The following CSMD1 variants were observed in gnomAD, a reference collection of about 807,000 sequenced individuals.
CSMD1 encodes CUB and sushi domain-containing protein 1.
Under a neutral mutation model 417.5 loss-of-function variants are expected in CSMD1, and 213 were observed. The observed-to-expected ratio is 0.51, with a 90% CI of 0.46 to 0.57. CSMD1 has a LOEUF of 0.57. Ranked by LOEUF, CSMD1 falls within the 20% of genes least tolerant of loss-of-function variation. The probability of loss-of-function intolerance (pLI) is 0.00; values close to 1 mark genes in which losing one functional copy is unlikely to be tolerated. For missense variants in CSMD1, 6,923 were observed against 4,529.7 expected (o/e 1.53, Z -15.17); for synonymous variants, 2,862 against 1,736.8 (o/e 1.65, Z -16.11).
chr8:4,604,305 G>C (rs1169793209), intron 2 of CSMD1, among the ~76,000 whole-genome samples: 1 of 150,984 alleles, frequency 6.6e-6, no homozygotes, highest in Non-Finnish European at 1.5e-5. Flanking sequence ...CTATATAACA[G>C]GAATATGCAT....
At chr8:4,304,283 G>T (rs1402463106) in intron 3 of CSMD1, among the ~76,000 whole-genome samples, 4 of 152,108 alleles carry the variant, frequency 2.6e-5, no homozygotes, top group Non-Finnish European at 5.9e-5. Flanking sequence ...TTATTAACGG[G>T]TAACATGTTC....
At chr8:3,964,866 G>C (rs980345887) in intron 5 of CSMD1, among the ~76,000 whole-genome samples, 7 of 152,114 alleles carry the variant, frequency 4.6e-5, no homozygotes, top group Non-Finnish European at 8.8e-5. Flanking sequence ...TTTTGAAAAA[G>C]TGTGATTGCA....
chr8:2,952,918 A>G (rs1802737113), intron 65 of CSMD1, among the ~76,000 whole-genome samples: 1 of 152,164 alleles, frequency 6.6e-6, no homozygotes, highest in African/African-American at 2.4e-5. Context: ...TGTTGCTGGC[A>G]GCCCGCAGTA....
rs369414785 is a variant in CSMD1, at chr8:3,369,241, G to C, written c.2899+13C>G. On this transcript the variant is annotated intron_variant, in intron 19 of 69. Coordinates refer to ENST00000635120, the MANE Select transcript of CSMD1 (RefSeq NM_033225.6). Reference sequence around the variant, plus strand: ...ATTAGTCTGTATGTTTGAGACCTATGATAGATTCTTACCTTTCCCATGAGA... The same window carrying C: ...ATTAGTCTGTATGTTTGAGACCTATCATAGATTCTTACCTTTCCCATGAGA... 6 of 1,293,620 alleles carry C rather than the reference G, an allele frequency of 4.6e-6. No homozygotes were observed. Among genetic ancestry groups the C allele is most frequent in the Non-Finnish European group, 6.7e-6 (6 of 892,158 alleles). The allele number at this position is 1,293,620 out of a possible 1,614,324, so 80.1% of individuals were successfully genotyped here. A position where few individuals can be genotyped will look rare whatever the true frequency, so the allele number is the denominator to read the frequency against.
intron 3 of CSMD1, among the ~76,000 whole-genome samples, chr8:4,252,611 T>C (rs532429358): frequency 6.6e-6 from 1 of 152,354 alleles, no homozygotes; most frequent in East Asian, 1.9e-4. Context: ...TCATTCATTA[T>C]AGAACCCAAA....
chr8:3,329,248 C>G (rs2584223), intron 23 of CSMD1, among the ~76,000 whole-genome samples: 149,679 of 152,198 alleles, frequency 0.98, 73,657 homozygotes, highest in East Asian at 1. Flanking sequence ...TGGTCATTGA[C>G]AGCAAAAGTG....
intron 1 of CSMD1, among the ~76,000 whole-genome samples, chr8:4,665,318 A>G (rs986010338): frequency 1.3e-5 from 2 of 152,188 alleles, no homozygotes; most frequent in Non-Finnish European, 2.9e-5. Flanking sequence ...GCTGACTTTG[A>G]AATTTGTAAG....
At chr8:3,308,063 CTAATAATAT>C (rs60229894) in intron 24 of CSMD1, among the ~76,000 whole-genome samples, 11,149 of 51,206 alleles carry the variant, frequency 0.22, 810 homozygotes, top group African/African-American at 0.39. Context: ...TGTGATAATT[CTAATAATAT>C]GTGATAATTC....
At chr8:4,807,966 T>C (rs1360198032) in intron 1 of CSMD1, among the ~76,000 whole-genome samples, 2 of 152,206 alleles carry the variant, frequency 1.3e-5, no homozygotes, top group Non-Finnish European at 2.9e-5. Context: ...AGGAGTTCAC[T>C]TGGAAAAACT....
intron 1 of CSMD1, among the ~76,000 whole-genome samples, chr8:4,885,381 T>A (rs1057275882): frequency 1.3e-5 from 2 of 152,064 alleles, no homozygotes; most frequent in African/African-American, 2.4e-5. Context: ...TGAACAGAAG[T>A]ACCAAAAAGG....
intron 3 of CSMD1, among the ~76,000 whole-genome samples, chr8:4,173,605 T>C (rs972360240): frequency 3.9e-5 from 6 of 152,126 alleles, no homozygotes; most frequent in African/African-American, 1.4e-4. Context: ...TAAAAGTTAT[T>C]AGATACATAG....
chr8:4,877,755 T>G lies in CSMD1; in HGVS notation c.85+116577A>C, dbSNP rs190386969. 2.6e-3 allele frequency among the ~76,000 whole-genome samples: 398 copies of G among 152,260 alleles called. 5 individuals are homozygous for G. The highest frequency in any genetic ancestry group is 8.9e-3 in the African/African-American group (369 of 41,504). Reference sequence around the variant, plus strand: ...ACTATGTGTTTGCACTTTCAAAGGATGTATTCATGCCTGTAAAAAGTACAG... The same window carrying G: ...ACTATGTGTTTGCACTTTCAAAGGAGGTATTCATGCCTGTAAAAAGTACAG... On this transcript the variant is annotated intron_variant, in intron 1 of 69. Coordinates refer to ENST00000635120, the MANE Select transcript of CSMD1 (RefSeq NM_033225.6).
chr8:3,692,383 G>T (rs1385900178), intron 7 of CSMD1, among the ~76,000 whole-genome samples: 1 of 152,120 alleles, frequency 6.6e-6, no homozygotes, highest in East Asian at 1.9e-4. Flanking sequence ...TTTCTGTGGA[G>T]CTTGTCACTT....
chr8:3,625,854 T>C (rs990828390), intron 7 of CSMD1, among the ~76,000 whole-genome samples: 2 of 152,134 alleles, frequency 1.3e-5, no homozygotes, highest in African/African-American at 2.4e-5. Context: ...AACAAGTAGA[T>C]TTTTCATAAG....
intron 6 of CSMD1, among the ~76,000 whole-genome samples, chr8:3,724,674 G>C (rs1029576347): frequency 1.3e-5 from 2 of 152,076 alleles, no homozygotes; most frequent in African/African-American, 2.4e-5. Flanking sequence ...AGAATTCAGG[G>C]AGTCCATGAA....
chr8:3,198,648 G>A (rs538283576), intron 33 of CSMD1, among the ~76,000 whole-genome samples: 25 of 152,182 alleles, frequency 1.6e-4, no homozygotes, highest in African/African-American at 5.5e-4. Flanking sequence ...TGATCTAATT[G>A]CTGAAAACTG....
intron 23 of CSMD1, among the ~76,000 whole-genome samples, chr8:3,335,936 C>A (rs1807233504): frequency 6.6e-6 from 1 of 152,120 alleles, no homozygotes; most frequent in Admixed American, 6.5e-5. Flanking sequence ...AAAAGTCTGG[C>A]CTTCCTACCC....
chr8:3,948,974 G>A (rs929097230), intron 5 of CSMD1, among the ~76,000 whole-genome samples: 1 of 151,962 alleles, frequency 6.6e-6, no homozygotes, highest in South Asian at 2.1e-4. Flanking sequence ...TTTATCACCA[G>A]GGTAAGAAGT....
In CSMD1 at chr8:4,798,473, T is replaced by A. The variant is rs2028229; in HGVS notation, c.86-160915A>T. Among the ~76,000 whole-genome samples the A allele has an allele frequency of 1.8e-4, 27 of 152,064 alleles. No individual in the cohort carries two copies. The East Asian group carries it at 4.5e-3, about 25-fold the overall frequency. Reference sequence around the variant, plus strand: ...GAGATTTTGCAATATATAAAATGTCTATTAAAAAGTACAGAATTGAAAATT... The same window carrying A: ...GAGATTTTGCAATATATAAAATGTCAATTAAAAAGTACAGAATTGAAAATT... On this transcript the variant is annotated intron_variant, in intron 1 of 69. Transcript: ENST00000635120.
Sources: gnomAD v4.1 joint callset for allele counts (sites outside exome capture counted in the v4.1 genomes callset) on GRCh38, gnomAD v4.1.1 for gene constraint, MANE v1.5 for transcripts, NCBI Gene and HGNC (gene_info 2026-07-23, HGNC 2026-07-21) for gene names.